Variants in CCDC92B observed in about 807,000 individuals in gnomAD.
CCDC92B encodes the protein coiled-coil domain-containing 92B.
CCDC92B carries 2 observed loss-of-function variants against 5.6 expected under a neutral mutation model. That is an observed-to-expected ratio of 0.36 (90% CI 0.15 to 1.12). The LOEUF (loss-of-function observed/expected upper bound fraction) is 1.12. CCDC92B is among the 50% of genes most tolerant of loss of function. The pLI is 0.40. For missense variants in CCDC92B, 271 were observed against 262.2 expected (o/e 1.03, Z -0.23); for synonymous variants, 115 against 122.3 (o/e 0.94, Z 0.39).
chr17:2,746,931 C>T (rs116992932), intron 1 of CCDC92B, among the ~76,000 whole-genome samples: 7,922 of 152,262 alleles, frequency 0.052, 319 homozygotes, highest in Non-Finnish European at 0.07. Flanking sequence ...CTCAGCCTCC[C>T]AAAGGGCTGG....
intron 1 of CCDC92B, among the ~76,000 whole-genome samples, chr17:2,738,515 G>A (rs2070879946): frequency 6.6e-6 from 1 of 151,990 alleles, no homozygotes; most frequent in South Asian, 2.1e-4. Context: ...GCTCACGCTT[G>A]TAATCCCAGC....
chr17:2,723,728 C>G lies in CCDC92B; in HGVS notation c.*683G>C, dbSNP rs740644. ...GGGAAGAGCTGAGCTGGAGACGGCT[C>G]TAGACCAAGTCCGGCCAACCAGGCG... On this transcript the variant is annotated 3_prime_UTR_variant, in exon 4 of 4. Transcript: ENST00000614400. The G allele has an allele frequency of 0.4, 62,811 of 155,764 alleles. 15,180 individuals are homozygous for G. Among genetic ancestry groups the G allele is most frequent in the Admixed American group, 0.53 (8,130 of 15,256 alleles). The allele number at this position is 155,764 out of a possible 1,614,324, so 9.6% of individuals were successfully genotyped here. A position where few individuals can be genotyped will look rare whatever the true frequency, so the allele number is the denominator to read the frequency against.
intron 1 of CCDC92B, among the ~76,000 whole-genome samples, chr17:2,743,970 C>T (rs2070954731): frequency 2.0e-5 from 3 of 152,044 alleles, no homozygotes; most frequent in Admixed American, 6.6e-5. Context: ...CTCCACCTCC[C>T]GGGTTCGAGC....
intron 1 of CCDC92B, among the ~76,000 whole-genome samples, chr17:2,738,766 AAAAAAAG>A (rs1327585661): frequency 6.7e-6 from 1 of 148,202 alleles, no homozygotes. Context: ...CTCAAAAAAA[AAAAAAAG>A]AAAAAAGAAA....
chr17:2,746,126 T>C (rs2070983310), intron 1 of CCDC92B, among the ~76,000 whole-genome samples: 2 of 151,992 alleles, frequency 1.3e-5, no homozygotes, highest in South Asian at 2.1e-4. Context: ...GGATTATAGG[T>C]GCCCACCACC....
At chr17:2,746,948 A>C (rs759216483) in intron 1 of CCDC92B, among the ~76,000 whole-genome samples, 1 of 152,182 alleles carries the variant, frequency 6.6e-6, no homozygotes, top group African/African-American at 2.4e-5. Flanking sequence ...CTGGGACTAC[A>C]GATGTGAGCC....
intron 2 of CCDC92B, among the ~76,000 whole-genome samples, chr17:2,731,071 C>T (rs758156881): frequency 3.3e-5 from 5 of 152,316 alleles, no homozygotes; most frequent in African/African-American, 1.2e-4. Flanking sequence ...CCTTCCCAAG[C>T]CCCAGTTGCG....
chr17:2,742,192 C>T (rs1160045342), intron 1 of CCDC92B, among the ~76,000 whole-genome samples: 2 of 152,042 alleles, frequency 1.3e-5, no homozygotes, highest in Non-Finnish European at 2.9e-5. Flanking sequence ...CTACCTCAGC[C>T]TCCCAAGGAG....
intron 2 of CCDC92B, among the ~76,000 whole-genome samples, chr17:2,733,743 GCT>G (rs1491518414): frequency 2.5e-4 from 20 of 81,570 alleles, no homozygotes; most frequent in African/African-American, 9.4e-4. Context: ...AGGACCACTG[GCT>G]TTTTTTTTTT....
At chr17:2,747,572 C>T (rs2071001729) in intron 1 of CCDC92B, among the ~76,000 whole-genome samples, 1 of 152,052 alleles carries the variant, frequency 6.6e-6, no homozygotes, top group Non-Finnish European at 1.5e-5. Flanking sequence ...ACTAAAAATA[C>T]AAAAATTAGC....
intron 1 of CCDC92B, among the ~76,000 whole-genome samples, chr17:2,746,502 C>T (rs2070988462): frequency 1.3e-5 from 2 of 152,094 alleles, no homozygotes; most frequent in African/African-American, 4.8e-5. Flanking sequence ...GGTAGAGTGT[C>T]AGACTCAGGA....
intron 1 of CCDC92B, chr17:2,748,212 A>G (rs758492887): frequency 5.0e-6 from 3 of 596,154 alleles, no homozygotes; most frequent in Non-Finnish European, 9.3e-6. Context: ...GTAGCCCAGT[A>G]GCCAGGCCAT....
chr17:2,735,730 C>A (rs1045070833), intron 1 of CCDC92B, among the ~76,000 whole-genome samples: 9 of 152,138 alleles, frequency 5.9e-5, no homozygotes, highest in African/African-American at 2.2e-4. Flanking sequence ...TGTGCCCAGG[C>A]CCATATAACT....
chr17:2,746,769 C>T (rs907246614), intron 1 of CCDC92B, among the ~76,000 whole-genome samples: 1 of 152,134 alleles, frequency 6.6e-6, no homozygotes, highest in Non-Finnish European at 1.5e-5. Context: ...CTCCTGGGTT[C>T]AAGCAATTCT....
In CCDC92B at chr17:2,722,647, A is replaced by C. The variant is rs886634312; in HGVS notation, c.*1764T>G. 3 of 152,196 alleles carry C rather than the reference A, an allele frequency of 2.0e-5. No individual in the cohort carries two copies. The highest frequency in any genetic ancestry group is 2.0e-4 in the Admixed American group (3 of 15,276). 9.4% of individuals were successfully genotyped at this position (152,196 alleles called of 1,614,324 possible). On this transcript the variant is annotated 3_prime_UTR_variant, in exon 4 of 4. Transcript: ENST00000614400. ...CCCTTCTTCATGGGGCTGTGATGGG[A>C]GAAGAGCTCGTCACCCCTAGAGCTT...
intron 1 of CCDC92B, among the ~76,000 whole-genome samples, chr17:2,744,838 A>G (rs1256473644): frequency 6.6e-6 from 1 of 152,080 alleles, no homozygotes; most frequent in African/African-American, 2.4e-5. Flanking sequence ...AGGTGAACAG[A>G]TCGTGTGTGC....
At position 2,724,354 on chromosome 17, in the gene CCDC92B, C is replaced by T. The variant is rs1447557682; in HGVS notation, c.*57G>A. 1.0e-6 allele frequency: 1 copy of T among 985,110 alleles called. No individual in the cohort carries two copies. Among genetic ancestry groups the T allele is most frequent in the Non-Finnish European group, 1.2e-6 (1 of 829,894 alleles). 61.0% of individuals were successfully genotyped at this position (985,110 alleles called of 1,614,324 possible). ...CCGGGACCTGCCTGCGGGGACCGAG[C>T]TGCGTCCCTGGCCGGCCCTCCCCGT... On this transcript the variant is annotated 3_prime_UTR_variant, in exon 4 of 4. Transcript: ENST00000614400. The surrounding 1 kb of genome is among the most constrained non-coding windows in gnomAD (Gnocchi z 5.0).
In CCDC92B at chr17:2,724,579, G is replaced by C; in HGVS notation, c.600C>G (p.Ala200=). Residue 200 remains alanine, a synonymous_variant, in exon 4 of 4, where the codon GCC becomes GCG. Transcript: ENST00000614400. The surrounding 1 kb of genome is among the most constrained non-coding windows in gnomAD (Gnocchi z 5.0). The part of the protein sequence containing the change: ...DWAAWDRGAG[A]LDDADPMPDP... ...CGGGCATGGGGTCGGCGTCGTCGAGGGCGCCGGCCCCGCGGTCCCAGGCGG... is the reference window on the plus strand; with the variant it reads ...CGGGCATGGGGTCGGCGTCGTCGAGCGCGCCGGCCCCGCGGTCCCAGGCGG... 10 of 981,844 alleles carry C rather than the reference G, an allele frequency of 1.0e-5. No homozygotes were observed. Among genetic ancestry groups the C allele is most frequent in the Non-Finnish European group, 1.2e-5 (10 of 828,460 alleles). The allele number at this position is 981,844 out of a possible 1,614,324, so 60.8% of individuals were successfully genotyped here.
chr17:2,731,265 C>T (rs1001628827), intron 2 of CCDC92B, among the ~76,000 whole-genome samples: 2 of 152,106 alleles, frequency 1.3e-5, no homozygotes, highest in African/African-American at 4.8e-5. Context: ...CCTGTCCCCC[C>T]AGTCTCCATT....
Sources: gnomAD v4.1 joint callset for allele counts (sites outside exome capture counted in the v4.1 genomes callset) on GRCh38, gnomAD v4.1.1 for gene constraint, Gnocchi (gnomAD v3.1) non-coding constraint, MANE v1.5 for transcripts, NCBI Gene and HGNC (gene_info 2026-07-23, HGNC 2026-07-21) for gene names.